COL28A1: variants seen among roughly 807,000 people sequenced by gnomAD.
The protein encoded by COL28A1 is collagen type XXVIII alpha 1 chain, also known as collagen alpha-1(XXVIII) chain.
Under a neutral mutation model 150.2 loss-of-function variants are expected in COL28A1, and 161 were observed. The ratio of observed to expected loss-of-function variants is 1.07; its 90% CI spans 0.94 to 1.22. The LOEUF (loss-of-function observed/expected upper bound fraction) is 1.22, where lower values mean the gene tolerates loss of function less well. Ranked by LOEUF, COL28A1 falls within the 50% of genes most tolerant of loss-of-function variation. COL28A1 has a pLI of 0.00. For synonymous variants in COL28A1, 552 were observed against 469.7 expected (o/e 1.18, Z -2.26); for missense variants, 1,617 against 1,388.3 (o/e 1.16, Z -2.62).
At chr7:7,476,791 C>T (rs1379722113) in intron 14 of COL28A1, among the ~76,000 whole-genome samples, 1 of 152,216 alleles carries the variant, frequency 6.6e-6, no homozygotes, top group Non-Finnish European at 1.5e-5. Flanking sequence ...GCCATAGCTA[C>T]ACTCGATGAT....
At position 7,373,892 on chromosome 7, in the gene COL28A1, G is replaced by T. The variant is rs1033013234; in HGVS notation, c.2360-346C>A. On this transcript the variant is annotated intron_variant, in intron 31 of 34. Transcript: ENST00000399429. This position sits in a 1 kb window ranked among gnomAD's most constrained non-coding sequence, Gnocchi z 4.1. ...TTTTTTGTATTTTTAGTAGAGACAG[G>T]GTTTCACCGTGTTAGCCAAGATGGT... Among the ~76,000 whole-genome samples the T allele has an allele frequency of 6.6e-6, 1 of 151,002 alleles. No homozygotes were observed. Among genetic ancestry groups the T allele is most frequent in the South Asian group, 2.1e-4 (1 of 4,794 alleles).
intron 9 of COL28A1, among the ~76,000 whole-genome samples, chr7:7,507,772 A>G (rs1413964719): frequency 1.3e-5 from 2 of 152,180 alleles, no homozygotes; most frequent in Non-Finnish European, 2.9e-5. Flanking sequence ...TGACAATTAT[A>G]GAAACATATA....
At chr7:7,344,500 A>C in the COL28A1 span, among the ~76,000 whole-genome samples, 1 of 152,180 alleles carries the variant, frequency 6.6e-6, no homozygotes, top group African/African-American at 2.4e-5. Flanking sequence ...GATAAAAAAC[A>C]GAAAATTTGC....
chr7:7,539,560 C>G (rs1004391134), upstream of COL28A1, among the ~76,000 whole-genome samples: 2 of 151,946 alleles, frequency 1.3e-5, no homozygotes, highest in African/African-American at 4.8e-5. Context: ...ATGGCAAACA[C>G]CAAAACTGTA....
intron 27 of COL28A1, among the ~76,000 whole-genome samples, chr7:7,416,914 T>A (rs1422060315): frequency 6.6e-6 from 1 of 152,194 alleles, no homozygotes; most frequent in Non-Finnish European, 1.5e-5. Context: ...AGGAGTTTAT[T>A]TTGAATGTTC....
chr7:7,519,117 T>TA (rs1781572269), intron 6 of COL28A1, among the ~76,000 whole-genome samples: 1 of 152,194 alleles, frequency 6.6e-6, no homozygotes, highest in Admixed American at 6.5e-5. Context: ...CAAAGAGGTT[T>TA]AATGGACTCA....
At chr7:7,384,148 G>T (rs7809226) in intron 27 of COL28A1, among the ~76,000 whole-genome samples, 6,599 of 152,226 alleles carry the variant, frequency 0.043, 512 homozygotes, top group African/African-American at 0.15. Context: ...TTACAGGGGT[G>T]AGATTACAGA....
chr7:7,489,167 G>C (rs572920191), intron 13 of COL28A1, among the ~76,000 whole-genome samples: 10 of 152,216 alleles, frequency 6.6e-5, no homozygotes, highest in African/African-American at 2.4e-4. Flanking sequence ...GCTAATTAGA[G>C]GCTGAGGCAG....
chr7:7,514,726 C>T (rs1015302346), intron 8 of COL28A1, among the ~76,000 whole-genome samples: 13 of 152,172 alleles, frequency 8.5e-5, no homozygotes, highest in African/African-American at 2.9e-4. Flanking sequence ...CCTTGCCAGA[C>T]ATAGCCCCCT....
chr7:7,496,244 T>C (rs1452881349), intron 11 of COL28A1, among the ~76,000 whole-genome samples: 1 of 152,192 alleles, frequency 6.6e-6, no homozygotes, highest in Non-Finnish European at 1.5e-5. Context: ...ACTGTGGGGA[T>C]GATGCATATG....
At chr7:7,412,411 G>C (rs1783842276) in intron 27 of COL28A1, among the ~76,000 whole-genome samples, 1 of 152,068 alleles carries the variant, frequency 6.6e-6, no homozygotes, top group African/African-American at 2.4e-5. Context: ...TTTGGTATTG[G>C]AGCAATGTCT....
the COL28A1 span, among the ~76,000 whole-genome samples, chr7:7,340,526 G>A: frequency 3.3e-5 from 5 of 152,072 alleles, no homozygotes; most frequent in Admixed American, 3.3e-4. Context: ...TCCTGAAAAT[G>A]TAACCTCTTA....
chr7:7,542,168 T>C, the COL28A1 span, among the ~76,000 whole-genome samples: 1 of 152,062 alleles, frequency 6.6e-6, no homozygotes, highest in African/African-American at 2.4e-5. Flanking sequence ...GCCAACATAG[T>C]GAAACCCCGT....
At chr7:7,539,908 T>C (rs897835977), upstream of COL28A1, among the ~76,000 whole-genome samples, 3 of 152,190 alleles carry the variant, frequency 2.0e-5, no homozygotes, top group Non-Finnish European at 2.9e-5. Flanking sequence ...TTGTGTCACA[T>C]TTGCAACACA....
chr7:7,438,711 T>C (rs1785530750), intron 21 of COL28A1, among the ~76,000 whole-genome samples: 1 of 152,146 alleles, frequency 6.6e-6, no homozygotes, highest in African/African-American at 2.4e-5. Flanking sequence ...TAAACAGAAA[T>C]TACAATTAAA....
In COL28A1 at chr7:7,380,929, A is replaced by C. The variant is rs557376469; in HGVS notation, c.2206-67T>G. On this transcript the variant is annotated intron_variant, in intron 28 of 34. Transcript: ENST00000399429. The stretch of plus-strand genomic sequence containing the variant: ...CTAAAAGCCAGATAAGAAAAGCTCT[A>C]TAATTTGGTTATCTGCAACTGGCAT... The C allele has an allele frequency of 3.5e-6, 5 of 1,416,958 alleles. No individual in the cohort carries two copies. In the African/African-American group the frequency reaches 7.2e-5, roughly 20 times the overall value. 87.8% of individuals were successfully genotyped at this position (1,416,958 alleles called of 1,614,324 possible). A position where few individuals can be genotyped will look rare whatever the true frequency, so the allele number is the denominator to read the frequency against.
intron 10 of COL28A1, among the ~76,000 whole-genome samples, chr7:7,506,713 T>C (rs1378947226): frequency 2.0e-5 from 3 of 152,218 alleles, no homozygotes; most frequent in Non-Finnish European, 2.9e-5. Flanking sequence ...TATCTAGTTA[T>C]AGAACAATAA....
At chr7:7,480,555 A>C (rs1179382625) in intron 13 of COL28A1, among the ~76,000 whole-genome samples, 4 of 152,238 alleles carry the variant, frequency 2.6e-5, no homozygotes, top group Non-Finnish European at 4.4e-5. Context: ...TAACAAAGAA[A>C]ACACATACTT....
chr7:7,488,861 C>A (rs17168217), intron 13 of COL28A1, among the ~76,000 whole-genome samples: 19,337 of 152,198 alleles, frequency 0.13, 1,305 homozygotes, highest in Middle Eastern at 0.24. Context: ...CAAGTTGATT[C>A]ATCTTGTAAG....
Sources: gnomAD v4.1 joint callset for allele counts (sites outside exome capture counted in the v4.1 genomes callset) on GRCh38, gnomAD v4.1.1 for gene constraint, Gnocchi (gnomAD v3.1) non-coding constraint, MANE v1.5 for transcripts, NCBI Gene and HGNC (gene_info 2026-07-23, HGNC 2026-07-21) for gene names.